The following POLR2E variants were observed in gnomAD, a reference collection of about 807,000 sequenced individuals.
The protein encoded by POLR2E is RNA polymerase II, I and III subunit E.
POLR2E carries 35 observed loss-of-function variants against 29.8 expected under a neutral mutation model. The observed-to-expected ratio is 1.17, with a 90% CI of 0.90 to 1.55. The LOEUF (loss-of-function observed/expected upper bound fraction) is 1.55. POLR2E is among the 40% of genes most tolerant of loss of function. POLR2E has a pLI of 0.00. For missense variants in POLR2E, 287 were observed against 288.6 expected (o/e 0.99, Z 0.04); for synonymous variants, 174 against 112.6 (o/e 1.55, Z -3.45).
intron 1 of POLR2E, 148 bp from the exon 2 acceptor site, chr19:1,094,226 AC>A (rs2043896956): frequency 3.0e-6 from 2 of 668,642 alleles, no homozygotes; most frequent in East Asian, 5.8e-5. Flanking sequence ...CATGACAGCC[AC>A]CCCGGCCCCC....
chr19:1,089,409 G>A lies in POLR2E; in HGVS notation c.*14+63C>T, dbSNP rs111702579. On this transcript the variant is annotated intron_variant, in intron 7 of 7. Coordinates refer to ENST00000615234, the MANE Select transcript of POLR2E (RefSeq NM_002695.5). Reference sequence around the variant, plus strand: ...CAAAGCAAGAACAGCCCTGCACACCGACGGAGGGGACGACACCCCTGCCTC... The same window carrying A: ...CAAAGCAAGAACAGCCCTGCACACCAACGGAGGGGACGACACCCCTGCCTC... 3.8e-5 allele frequency: 41 copies of A among 1,091,286 alleles called. 2 individuals carry two copies. The highest frequency in any genetic ancestry group is 2.6e-4 in the African/African-American group (17 of 64,756). 67.6% of individuals were successfully genotyped at this position (1,091,286 alleles called of 1,614,324 possible).
intron 4 of POLR2E, 69 bp from the exon 5 acceptor site, chr19:1,090,214 C>A: frequency 7.4e-7 from 1 of 1,342,570 alleles, no homozygotes. Context: ...CCAGGTGCCA[C>A]CACAGCCCCT....
intron 3 of POLR2E, 38 bp downstream of exon 3, chr19:1,091,754 A>AG (rs1156898887): frequency 2.8e-6 from 3 of 1,069,468 alleles, no homozygotes; most frequent in Non-Finnish European, 2.6e-6. Context: ...GAGGCTGGGG[A>AG]GGGGGAGAGG....
chr19:1,089,953 T>C lies in POLR2E; in HGVS notation c.498A>G (p.Arg166=). 1 of 1,599,790 alleles carries C rather than the reference T, an allele frequency of 6.3e-7. No individual in the cohort carries two copies. The highest frequency in any genetic ancestry group is 8.5e-7 in the Non-Finnish European group (1 of 1,173,396). ...VTELLARYKL[R]ENQLPRIQAG... is the part of the protein sequence containing the mutation. ...CCTGGATCCTGGGCAGCTGGTTCTCTCGGAGCTTACTGCGAAGCACCGTCA... is the reference window on the plus strand; with the variant it reads ...CCTGGATCCTGGGCAGCTGGTTCTCCCGGAGCTTACTGCGAAGCACCGTCA... The change falls in exon 6 of 8, where the codon CGA becomes CGG. Residue 166 remains arginine, a synonymous_variant. Transcript: ENST00000615234.
rs1405755994 is a variant in POLR2E, at chr19:1,092,538, A to G, written c.233-631T>C. Among the ~76,000 whole-genome samples the G allele has an allele frequency of 2.0e-5, 3 of 151,970 alleles. No individual in the cohort carries two copies. The East Asian group carries it at 5.8e-4, about 30-fold the overall frequency. ...AACAAGGTGAAATCCCGTTTCTACT[A>G]AAAATACAAAAAATTAGCCCACGCC... On this transcript the variant is annotated intron_variant, in intron 2 of 7. Transcript: ENST00000615234.
chr19:1,090,167 A>G (rs775698635), intron 4 of POLR2E, 22 bp from the exon 5 acceptor site: 2 of 1,610,962 alleles, frequency 1.2e-6, no homozygotes, highest in Non-Finnish European at 1.7e-6. Context: ...GGAAGCCACC[A>G]GGCATCACCA....
In POLR2E at chr19:1,090,108, ACCT is replaced by A; in HGVS notation, c.464_466del (p.Glu155del). ...ATACTATCGGGCCAGCAGCTCTGTC[ACCT>A]CCTCCTTGGTCATGACGACGTGCTC... On this transcript the variant is annotated inframe_deletion, in exon 5 of 8. Coordinates refer to ENST00000615234, the MANE Select transcript of POLR2E (RefSeq NM_002695.5). 6.2e-7 allele frequency: 1 copy of A among 1,612,252 alleles called. No individual in the cohort carries two copies. The highest frequency in any genetic ancestry group is 2.2e-5 in the East Asian group (1 of 44,860).
At chr19:1,094,887 C>T (rs1174179196) in intron 1 of POLR2E, 1 of 272,332 alleles carries the variant, frequency 3.7e-6, no homozygotes, top group African/African-American at 2.2e-5. Flanking sequence ...ATGCTGAAGA[C>T]TCCATGGGGT....
At position 1,095,339 on chromosome 19, in the gene POLR2E, C is replaced by A; in HGVS notation, c.-24G>T. The A allele has an allele frequency of 6.2e-6, 10 of 1,612,326 alleles. No homozygotes were observed. Among genetic ancestry groups the A allele is most frequent in the Non-Finnish European group, 8.5e-6 (10 of 1,179,422 alleles). On this transcript the variant is annotated 5_prime_UTR_variant, in exon 1 of 8. Transcript: ENST00000615234. ...ATGGCAGCCTCCGCCGCCGCCGCCGCTCGCACCCCTTCTCCGCGCGAGAAC... is the reference window on the plus strand; with the variant it reads ...ATGGCAGCCTCCGCCGCCGCCGCCGATCGCACCCCTTCTCCGCGCGAGAAC...
intron 7 of POLR2E, among the ~76,000 whole-genome samples, 161 bp downstream of exon 7, chr19:1,089,311 T>TG (rs995232573): frequency 2.0e-5 from 3 of 151,424 alleles, no homozygotes; most frequent in African/African-American, 7.3e-5. Context: ...GGGTGGGGTC[T>TG]GGGGGTCTGG....
rs769539043 is a variant in POLR2E, at chr19:1,090,069, T to C, written c.488+18A>G. 2.1e-5 allele frequency: 34 copies of C among 1,595,860 alleles called. No homozygotes were observed. Among genetic ancestry groups the C allele is most frequent in the Non-Finnish European group, 2.7e-5 (32 of 1,170,850 alleles). On this transcript the variant is annotated intron_variant, in intron 5 of 7. Transcript: ENST00000615234. ...GAGGGACAGGGAGGGGCGGGGCCGG[T>C]GGGGCTGGAAAGGATACTATCGGGC...
chr19:1,087,373 G>C lies in POLR2E; in HGVS notation c.*1362C>G, dbSNP rs1011269568. On this transcript the variant is annotated 3_prime_UTR_variant, in exon 8 of 8. Transcript: ENST00000615234. ...TTGCCATGTTGGTCAGGCTGGTCTC[G>C]AACTCCCGACCTCAGGTGATCCGCC... The C allele has an allele frequency of 6.6e-6, 1 of 152,008 alleles. No homozygotes were observed. Among genetic ancestry groups the C allele is most frequent in the Non-Finnish European group, 1.5e-5 (1 of 67,998 alleles). 9.4% of individuals were successfully genotyped at this position (152,008 alleles called of 1,614,324 possible). A position where few individuals can be genotyped will look rare whatever the true frequency, so the allele number is the denominator to read the frequency against.
chr19:1,090,174 A>G (rs2043798922), intron 4 of POLR2E, 29 bp from the exon 5 acceptor site: 2 of 1,603,550 alleles, frequency 1.2e-6, no homozygotes, highest in East Asian at 4.5e-5. Flanking sequence ...ACCAGGCATC[A>G]CCAAGGGCTG....
intron 2 of POLR2E, chr19:1,092,298 T>A (rs1599794988): frequency 5.2e-6 from 1 of 191,006 alleles, no homozygotes; most frequent in African/African-American, 2.3e-5. Context: ...TGAGGCCGGG[T>A]GCGGTGGCTC....
chr19:1,092,286 C>T, intron 2 of POLR2E: 1 of 195,920 alleles, frequency 5.1e-6, no homozygotes, highest in South Asian at 8.5e-5. Context: ...AGAAGCATCA[C>T]CTGAGGCCGG....
intron 2 of POLR2E, among the ~76,000 whole-genome samples, 182 bp from the exon 3 acceptor site, chr19:1,092,089 G>A (rs769758385): frequency 1.3e-5 from 2 of 152,150 alleles, no homozygotes; most frequent in South Asian, 2.1e-4. Flanking sequence ...GGGAAGAGAG[G>A]GCTGAAACCT....
At chr19:1,090,764 C>T in intron 4 of POLR2E, 144 bp downstream of exon 4, 1 of 702,910 alleles carries the variant, frequency 1.4e-6, no homozygotes, top group African/African-American at 1.8e-5. Flanking sequence ...GCTGCAGGCC[C>T]AGGGCCACCC....
At chr19:1,093,729 G>T in intron 2 of POLR2E, 175 bp downstream of exon 2, 3 of 1,392,210 alleles carry the variant, frequency 2.2e-6, no homozygotes, top group Non-Finnish European at 2.8e-6. Flanking sequence ...AGCATGAGAG[G>T]GGTCAGAGAT....
At chr19:1,093,743 C>G (rs376953710) in intron 2 of POLR2E, 161 bp downstream of exon 2, 1 of 1,407,568 alleles carries the variant, frequency 7.1e-7, no homozygotes, top group African/African-American at 1.5e-5. Context: ...CAGAGATCAA[C>G]GGCATCACCC....
Sources: allele counts gnomAD v4.1 joint callset (sites outside exome capture counted in the v4.1 genomes callset), GRCh38; gene constraint gnomAD v4.1.1; transcripts MANE v1.5; gene names NCBI Gene and HGNC (gene_info 2026-07-23, HGNC 2026-07-21).